Variants in CACHD1 observed in about 807,000 individuals in gnomAD.
CACHD1 encodes VWFA and cache domain-containing protein 1.
In CACHD1, 71 loss-of-function variants were observed where a neutral mutation model predicts 138.7. That is an observed-to-expected ratio of 0.51 (90% CI 0.42 to 0.62). CACHD1 has a LOEUF of 0.62. Ranked by LOEUF, CACHD1 falls within the 20% of genes least tolerant of loss-of-function variation. The pLI is 0.00. For synonymous variants in CACHD1, 578 were observed against 591.5 expected, an observed-to-expected ratio of 0.98 and a Z score of 0.33; for missense variants, 1,389 against 1,625.3, an observed-to-expected ratio of 0.85 and a Z score of 2.50.
intron 2 of CACHD1, among the ~76,000 whole-genome samples, chr1:64,570,041 C>T (rs952806381): frequency 2.6e-5 from 4 of 152,084 alleles, no homozygotes; most frequent in African/African-American, 7.2e-5. Context: ...CTAAAATGGC[C>T]GCACCCACTG....
Position 64,602,897 on chromosome 1 carries a change from C to T in CACHD1, c.502C>T (p.Arg168Ter), listed in dbSNP as rs373504906. 2.2e-5 allele frequency: 35 copies of T among 1,610,528 alleles called. No individual in the cohort carries two copies. The highest frequency in any genetic ancestry group is 3.3e-5 in the Admixed American group (2 of 59,936). Residue 168 changes from arginine (R) to a stop codon, truncating the protein, a stop_gained, in exon 4 of 27, where the codon CGA becomes TGA. Coordinates refer to ENST00000651257, the MANE Select transcript of CACHD1 (RefSeq NM_020925.4). LOFTEE classifies it high-confidence loss of function. ...TVNSRAFNPG[R>*]DLNSVLADNL... Reference sequence around the variant, plus strand: ...TAATAGCCGGGCCTTCAATCCAGGACGAGACTTAAATTCAGGTCAGTAATC... The same window carrying T: ...TAATAGCCGGGCCTTCAATCCAGGATGAGACTTAAATTCAGGTCAGTAATC...
At chr1:64,664,404 CT>C in intron 14 of CACHD1, 93 bp from the exon 15 acceptor site, 1 of 1,238,594 alleles carries the variant, frequency 8.1e-7, no homozygotes, top group Admixed American at 2.2e-5. Context: ...GGCTTGGCTT[CT>C]CTGCAACAGA....
At chr1:64,597,544 T>G (rs1375278300) in intron 3 of CACHD1, among the ~76,000 whole-genome samples, 120 of 149,052 alleles carry the variant, frequency 8.1e-4, no homozygotes, top group African/African-American at 2.0e-3. Context: ...TTTTTTTTTT[T>G]TTTTTTAACT....
chr1:64,662,927 CTAA>C (rs1441478996), intron 13 of CACHD1, among the ~76,000 whole-genome samples: 3 of 152,170 alleles, frequency 2.0e-5, no homozygotes, highest in African/African-American at 7.2e-5. Context: ...AATAGTACTA[CTAA>C]TATGAATAAT....
rs1648224155 is a variant in CACHD1 at position 64,629,430 on chromosome 1, T to C, written c.593T>C (p.Val198Ala). Residue 198 changes from valine (V) to alanine (A), a missense_variant, in exon 5 of 27, where the codon GTT becomes GCT. By Grantham distance (64) the Val-to-Ala change is moderately conservative. Coordinates refer to ENST00000651257, the MANE Select transcript of CACHD1 (RefSeq NM_020925.4). ...YFSSEEGIFT[V>A]FPAHKFRCKG... ...AGTTCAGAAGAAGGAATTTTCACTG[T>C]TTTCCCAGCACACAAGTTCCGGTGT... 6.2e-7 allele frequency: 1 copy of C among 1,613,992 alleles called. No homozygotes were observed. Among genetic ancestry groups the C allele is most frequent in the Non-Finnish European group, 8.5e-7 (1 of 1,179,990 alleles).
intron 1 of CACHD1, among the ~76,000 whole-genome samples, chr1:64,541,795 G>T (rs1646679273): frequency 6.6e-6 from 1 of 152,190 alleles, no homozygotes; most frequent in South Asian, 2.1e-4. Context: ...TCATGCCACT[G>T]CACTCCATCC....
At chr1:64,607,757 A>C (rs372063163) in intron 4 of CACHD1, among the ~76,000 whole-genome samples, 74 of 152,304 alleles carry the variant, frequency 4.9e-4, no homozygotes, top group African/African-American at 1.8e-3. Flanking sequence ...GGAGATGCTC[A>C]TATGATGATG....
chr1:64,532,560 C>T (rs1032070255), intron 1 of CACHD1, among the ~76,000 whole-genome samples: 2 of 151,988 alleles, frequency 1.3e-5, no homozygotes, highest in African/African-American at 4.8e-5. Flanking sequence ...CTGGAGAACA[C>T]TCATCAAGTT....
At chr1:64,649,417 ACTTTTAGATAAGGTTATTTCC>A (rs1649017518) in intron 9 of CACHD1, among the ~76,000 whole-genome samples, 1 of 152,058 alleles carries the variant, frequency 6.6e-6, no homozygotes. Context: ...GGAAACTCCC[ACTTTTAGATAAGGTTATTTCC>A]CTTTTTAGTG....
At position 64,470,987 on chromosome 1, in the gene CACHD1, G is replaced by C; in HGVS notation, c.198+45G>C. On this transcript the variant is annotated intron_variant, in intron 1 of 26. Transcript: ENST00000651257. This position sits in a 1 kb window ranked among gnomAD's most constrained non-coding sequence, Gnocchi z 5.2. ...GCCAGACATCCCGCCTTTCTCCTTT[G>C]CTCAAACTCCCATCCCACTCCCGGT... 6.5e-7 allele frequency: 1 copy of C among 1,530,372 alleles called. No individual in the cohort carries two copies. The allele number at this position is 1,530,372 out of a possible 1,614,324, so 94.8% of individuals were successfully genotyped here. A position where few individuals can be genotyped will look rare whatever the true frequency, so the allele number is the denominator to read the frequency against.
intron 26 of CACHD1, among the ~76,000 whole-genome samples, chr1:64,683,952 T>A (rs1650271642): frequency 6.6e-6 from 1 of 152,356 alleles, no homozygotes; most frequent in South Asian, 2.1e-4. Flanking sequence ...CTTGCTCATC[T>A]GTGTATGCTC....
At chr1:64,644,919 G>A (rs1297820216) in intron 8 of CACHD1, among the ~76,000 whole-genome samples, 1 of 152,174 alleles carries the variant, frequency 6.6e-6, no homozygotes, top group African/African-American at 2.4e-5. Context: ...CCAGCGTGGT[G>A]AAACCCCATC....
intron 4 of CACHD1, among the ~76,000 whole-genome samples, chr1:64,625,121 A>C (rs1029317795): frequency 7.9e-5 from 12 of 152,220 alleles, no homozygotes; most frequent in African/African-American, 2.9e-4. Context: ...AGACTGAAGG[A>C]AAGTTTCTAT....
intron 2 of CACHD1, among the ~76,000 whole-genome samples, chr1:64,569,355 GCCA>G (rs1049344169): frequency 6.6e-6 from 1 of 152,108 alleles, no homozygotes; most frequent in Non-Finnish European, 1.5e-5. Flanking sequence ...CACCATCACT[GCCA>G]CCACCACACA....
chr1:64,477,744 C>T (rs1317310031), intron 1 of CACHD1, among the ~76,000 whole-genome samples: 1 of 151,414 alleles, frequency 6.6e-6, no homozygotes, highest in Non-Finnish European at 1.5e-5. Context: ...ATGCCATTCT[C>T]CTGCCTCAGC....
chr1:64,562,708 A>G (rs1305470436), intron 2 of CACHD1, among the ~76,000 whole-genome samples: 1 of 151,846 alleles, frequency 6.6e-6, no homozygotes, highest in Admixed American at 6.6e-5. Flanking sequence ...GGAGTGAGCC[A>G]CTGTGCCTGG....
At position 64,675,993 on chromosome 1, in the gene CACHD1, TTAATAATAATAATAATAATAATAA is replaced by T. The variant is rs6143245; in HGVS notation, c.2975+34_2975+57del. The T allele has an allele frequency of 2.9e-4, 124 of 421,250 alleles. 1 individual carries two copies. The highest frequency in any genetic ancestry group is 2.6e-3 in the East Asian group (53 of 20,442). 26.1% of individuals were successfully genotyped at this position (421,250 alleles called of 1,614,324 possible). Reference sequence around the variant, plus strand: ...CCAATGCAGAGAACCGGTAAAATAATTAATAATAATAATAATAATAATAATAATAATAATAATAATAATAATACA... The same window carrying T: ...CCAATGCAGAGAACCGGTAAAATAATTAATAATAATAATAATAATAATACA... On this transcript the variant is annotated intron_variant, in intron 21 of 26. Coordinates refer to ENST00000651257, the MANE Select transcript of CACHD1 (RefSeq NM_020925.4).
chr1:64,528,680 T>G (rs1646559136), intron 1 of CACHD1, among the ~76,000 whole-genome samples: 1 of 152,184 alleles, frequency 6.6e-6, no homozygotes, highest in South Asian at 2.1e-4. Context: ...GAAATTTTCC[T>G]AGGTTTGTTG....
chr1:64,535,946 C>A (rs1646629475), intron 1 of CACHD1, among the ~76,000 whole-genome samples: 1 of 152,154 alleles, frequency 6.6e-6, no homozygotes, highest in African/African-American at 2.4e-5. Context: ...ATTTATGCAA[C>A]TGTTATTGAG....
Sources: gnomAD v4.1 joint callset for allele counts (sites outside exome capture counted in the v4.1 genomes callset) on GRCh38, gnomAD v4.1.1 for gene constraint, Gnocchi (gnomAD v3.1) non-coding constraint, MANE v1.5 for transcripts, NCBI Gene and HGNC (gene_info 2026-07-23, HGNC 2026-07-21) for gene names.